KCNK1: variants seen among roughly 807,000 people sequenced by gnomAD.
KCNK1 encodes potassium channel subfamily K member 1.
KCNK1 carries 10 observed loss-of-function variants against 22.2 expected under a neutral mutation model. The ratio of observed to expected loss-of-function variants is 0.45; its 90% CI spans 0.28 to 0.76. KCNK1 has a LOEUF of 0.76. Among genes scored for constraint, KCNK1 ranks in the 30% least tolerant of loss-of-function variants. The pLI is 0.14. For synonymous variants in KCNK1, 200 were observed against 186.4 expected, an observed-to-expected ratio of 1.07 and a Z score of -0.60; for missense variants, 378 against 421.0, an observed-to-expected ratio of 0.90 and a Z score of 0.89.
intron 1 of KCNK1, among the ~76,000 whole-genome samples, chr1:233,623,520 G>T (rs1657628562): frequency 6.6e-6 from 1 of 152,210 alleles, no homozygotes; most frequent in African/African-American, 2.4e-5. Flanking sequence ...TATGTGTATT[G>T]AGGTATCACT....
chr1:233,620,318 C>T (rs1050222344), intron 1 of KCNK1, among the ~76,000 whole-genome samples: 4 of 152,154 alleles, frequency 2.6e-5, no homozygotes, highest in Non-Finnish European at 5.9e-5. Flanking sequence ...GAAAGGTACG[C>T]TAAGAGTATT....
chr1:233,626,121 G>A (rs71638473), intron 1 of KCNK1, among the ~76,000 whole-genome samples: 1,652 of 151,190 alleles, frequency 0.011, 31 homozygotes, highest in Non-Finnish European at 0.011. Flanking sequence ...GGGGGTCATC[G>A]GACCACCGAT....
intron 1 of KCNK1, among the ~76,000 whole-genome samples, chr1:233,618,452 A>G (rs1657523492): frequency 6.6e-6 from 1 of 151,788 alleles, no homozygotes; most frequent in Admixed American, 6.6e-5. Flanking sequence ...AGAAATAATT[A>G]TTAAACTTTG....
At chr1:233,646,660 G>C (rs1658099343) in intron 1 of KCNK1, among the ~76,000 whole-genome samples, 1 of 152,072 alleles carries the variant, frequency 6.6e-6, no homozygotes, top group African/African-American at 2.4e-5. Flanking sequence ...TAATGTGGTG[G>C]GGTCACCAAG....
In KCNK1 at chr1:233,614,502, G is replaced by A. The variant is rs1160143735; in HGVS notation, c.331G>A (p.Ala111Thr). The change falls in exon 1 of 3, where the codon GCC becomes ACC. Residue 111 changes from alanine to threonine, a missense_variant. Ala to Thr is a moderately conservative substitution (Grantham distance 58). Transcript: ENST00000366621. ...GGACTTCACCTCCGCGCTCTTCTTC[G>A]CCAGCACCGTGCTCTCCACCACAGG... is the stretch of plus-strand genomic sequence containing the variant. ...NWDFTSALFF[A>T]STVLSTTGYG... The A allele has an allele frequency of 1.9e-6, 3 of 1,605,846 alleles. No individual in the cohort carries two copies. The highest frequency in any genetic ancestry group is 1.7e-6 in the Non-Finnish European group (2 of 1,176,142).
At chr1:233,648,952 G>C (rs1167027526) in intron 1 of KCNK1, among the ~76,000 whole-genome samples, 1 of 152,158 alleles carries the variant, frequency 6.6e-6, no homozygotes, top group Non-Finnish European at 1.5e-5. Context: ...CTGGGACCAA[G>C]CTGGAGAGAT....
chr1:233,623,749 C>T (rs1053280392), intron 1 of KCNK1, among the ~76,000 whole-genome samples: 12 of 152,198 alleles, frequency 7.9e-5, no homozygotes, highest in South Asian at 2.1e-4. Flanking sequence ...CCACCATGCC[C>T]GGCTAACTTT....
Position 233,666,697 on chromosome 1 carries a change from T to G in KCNK1, c.458T>G (p.Val153Gly), listed in dbSNP as rs757764178. ...ACCCTCCTGTTCCTGACGGCTGTGG[T>G]CCAGCGCATCACCGTGCACGTCACC... ...PFTLLFLTAVVQRITVHVTRR... is the reference protein window; with the variant it reads ...PFTLLFLTAVGQRITVHVTRR... The change falls in exon 2 of 3, where the codon GTC becomes GGC. Residue 153 changes from valine (V) to glycine (G), a missense_variant. By Grantham distance (109) the Val-to-Gly change is moderately radical. Coordinates refer to ENST00000366621, the MANE Select transcript of KCNK1 (RefSeq NM_002245.4). 10 of 1,614,132 alleles carry G rather than the reference T, an allele frequency of 6.2e-6. No individual in the cohort carries two copies. In the South Asian group the frequency reaches 1.1e-4, roughly 18 times the overall value.
In KCNK1 at chr1:233,666,659, T is replaced by G. The variant is rs1203935087; in HGVS notation, c.420T>G (p.Ile140Met). The change falls in exon 2 of 3, where the codon ATT becomes ATG. Residue 140 changes from isoleucine (I) to methionine (M), a missense_variant. Physicochemically the swap from Ile to Met is conservative, Grantham distance 10. Coordinates refer to ENST00000366621, the MANE Select transcript of KCNK1 (RefSeq NM_002245.4). ...GKAFCIIYSV[I>M]GIPFTLLFLT... Reference sequence around the variant, plus strand: ...CCTTCTGCATCATCTACTCCGTCATTGGCATTCCCTTCACCCTCCTGTTCC... The same window carrying G: ...CCTTCTGCATCATCTACTCCGTCATGGGCATTCCCTTCACCCTCCTGTTCC... The G allele has an allele frequency of 1.1e-5, 17 of 1,614,026 alleles. No individual in the cohort carries two copies. Among genetic ancestry groups the G allele is most frequent in the Non-Finnish European group, 1.3e-5 (15 of 1,180,026 alleles).
intron 1 of KCNK1, among the ~76,000 whole-genome samples, chr1:233,625,918 G>T (rs1490409794): frequency 6.6e-6 from 1 of 152,234 alleles, no homozygotes; most frequent in African/African-American, 2.4e-5. Flanking sequence ...AAGAAGGGGA[G>T]GGAGCAGATG....
At chr1:233,658,560 A>G (rs1325085339) in intron 1 of KCNK1, among the ~76,000 whole-genome samples, 1 of 152,202 alleles carries the variant, frequency 6.6e-6, no homozygotes, top group African/African-American at 2.4e-5. Flanking sequence ...ATGAGACTAC[A>G]TGAGACTACA....
intron 1 of KCNK1, among the ~76,000 whole-genome samples, chr1:233,664,018 G>A (rs568046828): frequency 4.7e-4 from 72 of 152,186 alleles, no homozygotes; most frequent in African/African-American, 1.3e-3. Context: ...TTTTAGTAGA[G>A]ATGGGGTTTC....
At chr1:233,631,112 G>T in intron 1 of KCNK1, 1 of 383,732 alleles carries the variant, frequency 2.6e-6, no homozygotes, top group South Asian at 2.1e-5. Flanking sequence ...TACATGTTCT[G>T]ACAAGGAAAA....
intron 1 of KCNK1, among the ~76,000 whole-genome samples, chr1:233,617,752 A>G (rs1233888723): frequency 6.6e-6 from 1 of 152,186 alleles, no homozygotes; most frequent in Non-Finnish European, 1.5e-5. Flanking sequence ...TAGCCTAGGC[A>G]ACAGAGTGAG....
chr1:233,660,625 A>G (rs1658373838), intron 1 of KCNK1: 1 of 152,216 alleles, frequency 6.6e-6, no homozygotes, highest in South Asian at 2.1e-4. Context: ...TGATATCTGT[A>G]GAGTTACCCT....
intron 1 of KCNK1, chr1:233,629,765 A>C (rs1412541002): frequency 6.6e-6 from 1 of 152,210 alleles, no homozygotes; most frequent in East Asian, 1.9e-4. Context: ...CGCAGGGATG[A>C]AGGAAAACCA....
chr1:233,659,426 T>C (rs1220504366), intron 1 of KCNK1, among the ~76,000 whole-genome samples: 2 of 149,820 alleles, frequency 1.3e-5, no homozygotes, highest in East Asian at 4.1e-4. Flanking sequence ...TTATTTTAAA[T>C]ATTTTTTATT....
rs1658194533 is a variant in KCNK1, at chr1:233,651,062, A to T, written c.356-15533A>T. 2.0e-5 allele frequency among the ~76,000 whole-genome samples: 3 copies of T among 152,220 alleles called. No individual in the cohort carries two copies. In the South Asian group the frequency reaches 6.2e-4, roughly 31 times the overall value. On this transcript the variant is annotated intron_variant, in intron 1 of 2. Coordinates refer to ENST00000366621, the MANE Select transcript of KCNK1 (RefSeq NM_002245.4). Reference sequence around the variant, plus strand: ...TAGTCTCAGTTAAGCTTTGGGACCAAGCAAGAGCTATATTCATTACTTGCA... The same window carrying T: ...TAGTCTCAGTTAAGCTTTGGGACCATGCAAGAGCTATATTCATTACTTGCA...
At chr1:233,622,617 G>A (rs557023620) in intron 1 of KCNK1, among the ~76,000 whole-genome samples, 37 of 152,264 alleles carry the variant, frequency 2.4e-4, no homozygotes, top group African/African-American at 8.7e-4. Flanking sequence ...ATATTGCAAG[G>A]TGATGCCCCC....
Sources: gnomAD v4.1 joint callset for allele counts (sites outside exome capture counted in the v4.1 genomes callset) on GRCh38, gnomAD v4.1.1 for gene constraint, MANE v1.5 for transcripts, NCBI Gene and HGNC (gene_info 2026-07-23, HGNC 2026-07-21) for gene names.